Variants in STK38L observed in about 807,000 individuals in gnomAD.
STK38L encodes the protein serine/threonine kinase 38 like, also known as serine/threonine-protein kinase 38-like.
A neutral mutation model predicts 59.7 loss-of-function variants in STK38L; 28 were observed. The observed-to-expected ratio is 0.47, with a 90% CI of 0.35 to 0.64. The LOEUF (loss-of-function observed/expected upper bound fraction) is 0.64, where lower values mean the gene tolerates loss of function less well. Among genes scored for constraint, STK38L ranks in the 30% least tolerant of loss-of-function variants. The pLI is 0.01. For missense variants in STK38L, 314 were observed against 555.8 expected (o/e 0.56, Z 4.37); for synonymous variants, 162 against 176.8 (o/e 0.92, Z 0.66).
intron 1 of STK38L, among the ~76,000 whole-genome samples, chr12:27,266,051 T>C (rs1943295184): frequency 6.6e-6 from 1 of 152,208 alleles, no homozygotes; most frequent in South Asian, 2.1e-4. Flanking sequence ...TGTGATACCC[T>C]GAAAAGACAG....
At chr12:27,306,752 C>T (rs28634996) in intron 3 of STK38L, among the ~76,000 whole-genome samples, 6 of 139,630 alleles carry the variant, frequency 4.3e-5, no homozygotes, top group Admixed American at 7.1e-5. Flanking sequence ...CACACACACA[C>T]ATATATTTGA....
chr12:27,262,282 A>G (rs1265122779), intron 1 of STK38L, among the ~76,000 whole-genome samples: 1 of 152,224 alleles, frequency 6.6e-6, no homozygotes, highest in African/African-American at 2.4e-5. Flanking sequence ...ACTAAATACA[A>G]ATTATGTCTT....
intron 1 of STK38L, among the ~76,000 whole-genome samples, chr12:27,281,638 A>T (rs969863883): frequency 2.0e-5 from 3 of 152,238 alleles, no homozygotes; most frequent in African/African-American, 7.2e-5. Flanking sequence ...GTGTTTTATA[A>T]ATGGTATCCA....
At position 27,250,996 on chromosome 12, in the gene STK38L, C is replaced by CAA. The variant is rs34643896; in HGVS notation, c.-12+6683_-12+6684dup. On this transcript the variant is annotated intron_variant, in intron 1 of 13. Coordinates refer to ENST00000389032, the MANE Select transcript of STK38L (RefSeq NM_015000.4). ...CCTGGGTGACAGTGAGACTCTGTCTCAAAAAAAAAAAAAAAAAAAAGAAAT... is the reference window on the plus strand; with the variant it reads ...CCTGGGTGACAGTGAGACTCTGTCTCAAAAAAAAAAAAAAAAAAAAAAGAAAT... 6.6e-4 allele frequency among the ~76,000 whole-genome samples: 69 copies of CAA among 104,924 alleles called. 1 individual carries two copies. Among genetic ancestry groups the CAA allele is most frequent in the African/African-American group, 1.9e-3 (53 of 27,834 alleles). The allele number at this position is 104,924 out of a possible 152,430, so 68.8% of individuals were successfully genotyped here.
chr12:27,248,622 T>C (rs1294807880), intron 1 of STK38L, among the ~76,000 whole-genome samples: 2 of 151,146 alleles, frequency 1.3e-5, no homozygotes, highest in Admixed American at 1.3e-4. Flanking sequence ...GTGCCTGCAG[T>C]TGACCGTACT....
intron 10 of STK38L, 101 bp from the exon 11 acceptor site, chr12:27,317,795 A>C: frequency 1.4e-6 from 2 of 1,418,982 alleles, no homozygotes; most frequent in Non-Finnish European, 1.9e-6. Context: ...TGTTAAATAG[A>C]GCACTCAGGG....
At chr12:27,287,086 ATG>A (rs1372855778) in intron 1 of STK38L, among the ~76,000 whole-genome samples, 1 of 150,630 alleles carries the variant, frequency 6.6e-6, no homozygotes, top group Non-Finnish European at 1.5e-5. Context: ...TTTTAAATAT[ATG>A]CTTTTAGATA....
At chr12:27,291,371 C>A (rs1217978386) in intron 1 of STK38L, among the ~76,000 whole-genome samples, 5 of 152,100 alleles carry the variant, frequency 3.3e-5, no homozygotes, top group African/African-American at 4.8e-5. Flanking sequence ...TTACTATAGC[C>A]CCATCCCCTC....
At position 27,302,202 on chromosome 12, in the gene STK38L, C is replaced by T. The variant is rs759877137; in HGVS notation, c.186+14C>T. On this transcript the variant is annotated intron_variant, in intron 3 of 13. Coordinates refer to ENST00000389032, the MANE Select transcript of STK38L (RefSeq NM_015000.4). The stretch of plus-strand genomic sequence containing the variant: ...GCAGATGAAGAGGTAATGTAATTAC[C>T]TATAATTACTGTACAAAAGCACCCC... 7 of 1,586,412 alleles carry T rather than the reference C, an allele frequency of 4.4e-6. No individual in the cohort carries two copies. Among genetic ancestry groups the T allele is most frequent in the Non-Finnish European group, 6.0e-6 (7 of 1,165,478 alleles).
At chr12:27,306,481 AATTT>A (rs1165973623) in intron 3 of STK38L, among the ~76,000 whole-genome samples, 1 of 152,044 alleles carries the variant, frequency 6.6e-6, no homozygotes, top group Non-Finnish European at 1.5e-5. Context: ...TTTTACTAGT[AATTT>A]ATTTTTTTAT....
chr12:27,246,715 G>C (rs1478564561), intron 1 of STK38L, among the ~76,000 whole-genome samples: 4 of 150,872 alleles, frequency 2.7e-5, no homozygotes, highest in Non-Finnish European at 4.4e-5. Context: ...TAAGTCTTAA[G>C]AAAGTCTTTA....
intron 1 of STK38L, among the ~76,000 whole-genome samples, chr12:27,253,868 T>C (rs949603972): frequency 2.6e-5 from 4 of 152,198 alleles, no homozygotes; most frequent in African/African-American, 9.6e-5. Flanking sequence ...TGCTGTCTAT[T>C]TATGTTTATC....
intron 1 of STK38L, among the ~76,000 whole-genome samples, chr12:27,285,765 A>G (rs189258399): frequency 1.3e-5 from 2 of 152,366 alleles, no homozygotes; most frequent in Admixed American, 1.3e-4. Context: ...AGGCAAGGAA[A>G]GAGTAAAGGG....
intron 1 of STK38L, among the ~76,000 whole-genome samples, chr12:27,264,547 G>T (rs1943263687): frequency 6.6e-6 from 1 of 152,118 alleles, no homozygotes; most frequent in Non-Finnish European, 1.5e-5. Context: ...CATGGGTTCT[G>T]CATCCACTGA....
intron 1 of STK38L, among the ~76,000 whole-genome samples, chr12:27,278,855 G>A (rs764550562): frequency 2.6e-5 from 4 of 152,152 alleles, no homozygotes; most frequent in Non-Finnish European, 5.9e-5. Context: ...TTTAAATCAT[G>A]CTTTTCCTCT....
chr12:27,320,262 CTAT>C (rs924322309), intron 12 of STK38L, among the ~76,000 whole-genome samples: 1 of 151,994 alleles, frequency 6.6e-6, no homozygotes, highest in African/African-American at 2.4e-5. Context: ...GGCACTCTGC[CTAT>C]TATTATTACT....
At chr12:27,259,614 G>A (rs1435293686) in intron 1 of STK38L, among the ~76,000 whole-genome samples, 1 of 152,112 alleles carries the variant, frequency 6.6e-6, no homozygotes, top group African/African-American at 2.4e-5. Flanking sequence ...TTTTTAAAAA[G>A]CAAAATAGAA....
chr12:27,318,197 T>C (rs764553162), intron 11 of STK38L, among the ~76,000 whole-genome samples, 178 bp downstream of exon 11: 12 of 152,166 alleles, frequency 7.9e-5, no homozygotes, highest in Non-Finnish European at 1.6e-4. Flanking sequence ...GAAAAAAACG[T>C]AGGAATTAAA....
Position 27,301,658 on chromosome 12 carries a change from A to G in STK38L, c.135-479A>G, listed in dbSNP as rs566595221. On this transcript the variant is annotated intron_variant, in intron 2 of 13. Transcript: ENST00000389032. ...CAATTGCATTGAACATTTTTCCTTCATAAGTTAAGGAAAACTGAGCTTAGA... is the reference window on the plus strand; with the variant it reads ...CAATTGCATTGAACATTTTTCCTTCGTAAGTTAAGGAAAACTGAGCTTAGA... Among the ~76,000 whole-genome samples, 13 of 152,350 alleles carry G rather than the reference A, an allele frequency of 8.5e-5. No individual in the cohort carries two copies. The South Asian group carries it at 2.5e-3, about 29-fold the overall frequency.
Sources: allele counts gnomAD v4.1 joint callset (sites outside exome capture counted in the v4.1 genomes callset), GRCh38; gene constraint gnomAD v4.1.1; transcripts MANE v1.5; gene names NCBI Gene and HGNC (gene_info 2026-07-23, HGNC 2026-07-21).